The following KDM2A variants were observed in gnomAD, a reference collection of about 807,000 sequenced individuals.
KDM2A encodes lysine demethylase 2A, also known as lysine-specific demethylase 2A.
A neutral mutation model predicts 137.3 loss-of-function variants in KDM2A; 3 were observed. The ratio of observed to expected loss-of-function variants is 0.02; its 90% CI spans 0.01 to 0.06. The LOEUF (loss-of-function observed/expected upper bound fraction) is 0.06, where lower values mean the gene tolerates loss of function less well. Ranked by LOEUF, KDM2A falls within the 10% of genes least tolerant of loss-of-function variation. The probability of loss-of-function intolerance (pLI) is 1.00; values close to 1 mark genes in which losing one functional copy is unlikely to be tolerated. For synonymous variants in KDM2A, 512 were observed against 541.5 expected (o/e 0.95, Z 0.76); for missense variants, 738 against 1,510.6 (o/e 0.49, Z 8.48).
Position 67,119,599 on chromosome 11 carries a change from C to A in KDM2A, c.-534C>A, listed in dbSNP as rs1279700651. 6.7e-6 allele frequency: 1 copy of A among 150,120 alleles called. No homozygotes were observed. The allele number at this position is 150,120 out of a possible 1,614,324, so 9.3% of individuals were successfully genotyped here. On this transcript the variant is annotated 5_prime_UTR_variant, in exon 1 of 21. Coordinates refer to ENST00000529006, the MANE Select transcript of KDM2A (RefSeq NM_012308.3). ...CCGCGCCGCTCCCGCCCTGTCCGCC[C>A]CCCGGGGCCGGGGCCCGCGTTCCGG... is the stretch of plus-strand genomic sequence containing the variant.
At position 67,211,151 on chromosome 11, in the gene KDM2A, C is replaced by T. The variant is rs192599448; in HGVS notation, c.486+3463C>T. ...AATTCTTATTCCCCCCATAGTATAT[C>T]CCTTCATTTATCTAGGTTTTTTCCA... is the stretch of plus-strand genomic sequence containing the variant. On this transcript the variant is annotated intron_variant, in intron 6 of 20. Coordinates refer to ENST00000529006, the MANE Select transcript of KDM2A (RefSeq NM_012308.3). Among the ~76,000 whole-genome samples, 4 of 152,162 alleles carry T rather than the reference C, an allele frequency of 2.6e-5. No homozygotes were observed. In the East Asian group the frequency reaches 7.7e-4, roughly 29 times the overall value.
intron 2 of KDM2A, among the ~76,000 whole-genome samples, chr11:67,150,075 T>A (rs1215242850): frequency 6.6e-6 from 1 of 152,192 alleles, no homozygotes; most frequent in Non-Finnish European, 1.5e-5. Context: ...ATTCAACAAT[T>A]CGTTGTGTAA....
chr11:67,193,133 G>T (rs1857397203), intron 5 of KDM2A, among the ~76,000 whole-genome samples: 1 of 152,114 alleles, frequency 6.6e-6, no homozygotes, highest in African/African-American at 2.4e-5. Context: ...GGAATTACAG[G>T]CTCTTGCCAC....
intron 2 of KDM2A, among the ~76,000 whole-genome samples, chr11:67,152,409 C>G (rs1255408200): frequency 6.6e-6 from 1 of 151,692 alleles, no homozygotes; most frequent in Non-Finnish European, 1.5e-5. Flanking sequence ...TTGAGACCAG[C>G]CTGGACAACA....
chr11:67,250,570 G>A lies in KDM2A; in HGVS notation c.2540G>A (p.Arg847His), dbSNP rs774576742. 3.3e-5 allele frequency: 54 copies of A among 1,613,430 alleles called. No individual in the cohort carries two copies. Among genetic ancestry groups the A allele is most frequent in the South Asian group, 1.2e-4 (11 of 91,056 alleles). ...CACTGCCCAGCCCGAACCCCCCAGC[G>A]TGGGGATGAGGAGGGGCTGGGGGGA... ...VQHCPARTPQ[R>H]GDEEGLGGEE... The change falls in exon 17 of 21, where the codon CGT becomes CAT. Residue 847 changes from arginine to histidine, a missense_variant. By Grantham distance (29) the Arg-to-His change is conservative (BLOSUM62 0). Around this residue, in one of 9 missense-constraint regions of KDM2A, gnomAD observed 244 missense variants for 324.6 expected, o/e 0.75. Coordinates refer to ENST00000529006, the MANE Select transcript of KDM2A (RefSeq NM_012308.3). The surrounding 1 kb of genome is among the most constrained non-coding windows in gnomAD (Gnocchi z 7.1).
chr11:67,170,520 C>T (rs1391775071), intron 2 of KDM2A, among the ~76,000 whole-genome samples: 1 of 147,128 alleles, frequency 6.8e-6, no homozygotes, highest in Admixed American at 6.9e-5. Context: ...TCGCACCATT[C>T]TCCTGCCTGA....
intron 2 of KDM2A, among the ~76,000 whole-genome samples, chr11:67,174,127 A>G (rs1856930314): frequency 6.6e-6 from 1 of 152,174 alleles, no homozygotes; most frequent in South Asian, 2.1e-4. Context: ...ATGTGGTGGC[A>G]TGTGCCAGTA....
chr11:67,141,787 C>G (rs1368901875), intron 2 of KDM2A, among the ~76,000 whole-genome samples: 3 of 150,718 alleles, frequency 2.0e-5, no homozygotes, highest in African/African-American at 4.9e-5. Flanking sequence ...ATGTTCATGC[C>G]CATTAACCAT....
intron 7 of KDM2A, 77 bp downstream of exon 7, chr11:67,215,523 C>A: frequency 1.1e-6 from 1 of 924,182 alleles, no homozygotes; most frequent in South Asian, 1.4e-5. Context: ...TTCTCCCTTA[C>A]GAGCTTTGCT....
intron 9 of KDM2A, among the ~76,000 whole-genome samples, 163 bp downstream of exon 9, chr11:67,218,047 G>A (rs986139558): frequency 2.6e-5 from 4 of 152,092 alleles, no homozygotes; most frequent in African/African-American, 9.7e-5. Flanking sequence ...TGTTTGTTTT[G>A]TTTTCAGTTT....
chr11:67,211,243 G>A (rs531071663), intron 6 of KDM2A, among the ~76,000 whole-genome samples: 2 of 152,068 alleles, frequency 1.3e-5, no homozygotes, highest in South Asian at 2.1e-4. Context: ...TCAGTAAAGT[G>A]GACCCCCATT....
intron 2 of KDM2A, among the ~76,000 whole-genome samples, chr11:67,143,553 A>G (rs1856172157): frequency 6.6e-6 from 1 of 151,850 alleles, no homozygotes; most frequent in African/African-American, 2.4e-5. Context: ...AACCTTCCTA[A>G]TCACTACTTT....
chr11:67,181,733 C>A, intron 4 of KDM2A, 113 bp from the exon 5 acceptor site: 2 of 794,384 alleles, frequency 2.5e-6, no homozygotes, highest in Admixed American at 2.5e-5. Context: ...AATTTCAAAC[C>A]TGATTGTGAA....
intron 2 of KDM2A, among the ~76,000 whole-genome samples, chr11:67,176,334 T>C (rs1432908140): frequency 6.6e-6 from 1 of 152,216 alleles, no homozygotes; most frequent in Non-Finnish European, 1.5e-5. Flanking sequence ...CTTACGTGTT[T>C]ATGTAGATTC....
chr11:67,173,793 G>A (rs1408891327), intron 2 of KDM2A, among the ~76,000 whole-genome samples: 1 of 152,250 alleles, frequency 6.6e-6, no homozygotes, highest in East Asian at 1.9e-4. Context: ...ACTCATGGCA[G>A]CCTCAAGCTC....
intron 6 of KDM2A, among the ~76,000 whole-genome samples, chr11:67,209,128 T>C (rs1369739044): frequency 6.6e-6 from 1 of 151,932 alleles, no homozygotes; most frequent in Non-Finnish European, 1.5e-5. Context: ...AGACGGGGTT[T>C]CATCATGTTG....
chr11:67,247,936 T>C (rs1859300080), intron 15 of KDM2A, among the ~76,000 whole-genome samples: 1 of 152,212 alleles, frequency 6.6e-6, no homozygotes, highest in African/African-American at 2.4e-5. Flanking sequence ...ACCACAACCC[T>C]ATAAGGTGGG....
chr11:67,224,418 A>G (rs1308218132), intron 10 of KDM2A, among the ~76,000 whole-genome samples: 4 of 151,438 alleles, frequency 2.6e-5, no homozygotes, highest in Non-Finnish European at 4.4e-5. Context: ...ACCAGCCTGG[A>G]CAACATAGTG....
chr11:67,242,980 T>C (rs1859094983), intron 12 of KDM2A, 29 bp from the exon 13 acceptor site: 1 of 1,596,946 alleles, frequency 6.3e-7, no homozygotes, highest in African/African-American at 1.3e-5. Flanking sequence ...CCTGCCCTGA[T>C]TTTTCCTTCT....
Sources: allele counts gnomAD v4.1 joint callset (sites outside exome capture counted in the v4.1 genomes callset), GRCh38; gene constraint gnomAD v4.1.1; regional missense constraint gnomAD v4.1.1; non-coding constraint Gnocchi (gnomAD v3.1); transcripts MANE v1.5; gene names NCBI Gene and HGNC (gene_info 2026-07-23, HGNC 2026-07-21).